Variants in PDXDC1 observed in about 807,000 individuals in gnomAD.
PDXDC1 encodes pyridoxal-dependent decarboxylase domain-containing protein 1.
Under a neutral mutation model 100.1 loss-of-function variants are expected in PDXDC1, and 42 were observed. That is an observed-to-expected ratio of 0.42 (90% CI 0.33 to 0.54). The LOEUF (loss-of-function observed/expected upper bound fraction) is 0.54, where lower values mean the gene tolerates loss of function less well. Among genes scored for constraint, PDXDC1 ranks in the 20% least tolerant of loss-of-function variants. The pLI, the probability that PDXDC1 is intolerant of heterozygous loss-of-function variation, is 0.10. For missense variants in PDXDC1, 636 were observed against 979.2 expected (o/e 0.65, Z 4.68); for synonymous variants, 260 against 371.7 (o/e 0.70, Z 3.46).
At position 15,074,450 on chromosome 16, in the gene PDXDC1, T is replaced by G. The variant is rs1567200493; in HGVS notation, c.1399+44394T>G. Among the ~76,000 whole-genome samples the G allele has an allele frequency of 6.6e-5, 10 of 152,320 alleles. 1 individual carries two copies. The South Asian group carries it at 2.1e-3, about 32-fold the overall frequency. On this transcript the variant is annotated intron_variant, in intron 16 of 16. Transcript: ENST00000535621. ...AGTGCATTCAGCAACTTGAGCGTAA[T>G]TTGATCTAAAACTGGCCAAACTCCA...
downstream of PDXDC1, chr16:15,038,616 A>C: frequency 6.2e-7 from 1 of 1,609,018 alleles, no homozygotes; most frequent in Non-Finnish European, 8.5e-7. Context: ...AGAAATCCAC[A>C]TGTGGAAATG....
chr16:15,109,702 A>G (rs1245035632), intron 16 of PDXDC1, among the ~76,000 whole-genome samples: 1 of 119,526 alleles, frequency 8.4e-6, no homozygotes, highest in African/African-American at 3.0e-5. Context: ...AAAAAAAAAA[A>G]TTGGCCGAAT....
At chr16:15,045,855 CT>C (rs1378380357) in intron 16 of PDXDC1, 2 of 152,242 alleles carry the variant, frequency 1.3e-5, no homozygotes, top group African/African-American at 2.4e-5. Context: ...GACACAAAAT[CT>C]TCCTAAGGGA....
At chr16:15,006,913 GTTTATT>G (rs1432247799) in intron 6 of PDXDC1, among the ~76,000 whole-genome samples, 2 of 152,274 alleles carry the variant, frequency 1.3e-5, no homozygotes, top group Admixed American at 6.5e-5. Flanking sequence ...TCAAAGTATA[GTTTATT>G]TTTAATGTCT....
At chr16:15,065,202 T>G (rs1394205154) in intron 16 of PDXDC1, 2 of 1,571,748 alleles carry the variant, frequency 1.3e-6, no homozygotes, top group Non-Finnish European at 8.6e-7. Context: ...CCAGCGTCAA[T>G]GTTTAAAAGT....
intron 14 of PDXDC1, among the ~76,000 whole-genome samples, chr16:15,027,646 C>T (rs150673926): frequency 6.5e-3 from 987 of 152,074 alleles, no homozygotes; most frequent in African/African-American, 0.023. Context: ...CGGCCCTGGC[C>T]AAACTCCGCC....
At chr16:15,056,939 C>T (rs537264068) in intron 16 of PDXDC1, among the ~76,000 whole-genome samples, 122 of 152,266 alleles carry the variant, frequency 8.0e-4, no homozygotes, top group Non-Finnish European at 1.5e-4. Context: ...TTTGCGGATA[C>T]TGACTGCAGA....
At position 15,031,622 on chromosome 16, in the gene PDXDC1, C is replaced by T. The variant is rs188706173; in HGVS notation, c.1400-113C>T. 2.1e-4 allele frequency: 172 copies of T among 829,818 alleles called. No individual in the cohort carries two copies. In the East Asian group the frequency reaches 4.0e-3, roughly 19 times the overall value. 51.4% of individuals were successfully genotyped at this position (829,818 alleles called of 1,614,324 possible). On this transcript the variant is annotated intron_variant, in intron 16 of 22. Coordinates refer to ENST00000396410, the MANE Select transcript of PDXDC1 (RefSeq NM_015027.4). Reference sequence around the variant, plus strand: ...TTTTTGTTTAAATCTCCATGGCTCCCGGTAACTGGAGTACCTCGAGCTTTT... The same window carrying T: ...TTTTTGTTTAAATCTCCATGGCTCCTGGTAACTGGAGTACCTCGAGCTTTT...
At chr16:15,146,967 C>A in the PDXDC1 span, among the ~76,000 whole-genome samples, 1 of 152,078 alleles carries the variant, frequency 6.6e-6, no homozygotes, top group African/African-American at 2.4e-5. Context: ...GGCGCTGGGA[C>A]GTGAACCCAA....
At chr16:15,133,117 C>T (rs1178273106) in intron 16 of PDXDC1, 34 of 639,280 alleles carry the variant, frequency 5.3e-5, no homozygotes, top group Middle Eastern at 4.2e-4. Context: ...CTGCTGGGAG[C>T]GGAACGTCGG....
chr16:15,135,867 C>T, intron 16 of PDXDC1: 1 of 1,555,472 alleles, frequency 6.4e-7, no homozygotes, highest in South Asian at 1.1e-5. Context: ...AATGACACGA[C>T]AAACACAAAG....
intron 16 of PDXDC1, chr16:15,131,207 G>A (rs753778293): frequency 3.8e-6 from 6 of 1,588,908 alleles, no homozygotes; most frequent in East Asian, 2.2e-5. Context: ...GCAGAGCTGC[G>A]GTGGCCCCGG....
chr16:14,998,090 T>C (rs1972388641), intron 2 of PDXDC1, among the ~76,000 whole-genome samples: 1 of 152,250 alleles, frequency 6.6e-6, no homozygotes, highest in Non-Finnish European at 1.5e-5. Flanking sequence ...TAAATACTTA[T>C]TATATATTCA....
At chr16:15,086,131 G>C in intron 16 of PDXDC1, 2 of 1,602,706 alleles carry the variant, frequency 1.2e-6, no homozygotes, top group Non-Finnish European at 1.7e-6. Context: ...TGACTTACGA[G>C]GCACAAAATG....
the PDXDC1 span, among the ~76,000 whole-genome samples, chr16:15,147,259 C>T: frequency 2.0e-5 from 3 of 152,182 alleles, no homozygotes; most frequent in Admixed American, 6.5e-5. Flanking sequence ...CAGCCCGACT[C>T]GGAAGCGCCA....
intron 16 of PDXDC1, among the ~76,000 whole-genome samples, chr16:15,082,761 T>A (rs976260499): frequency 1.6e-4 from 24 of 152,112 alleles, no homozygotes; most frequent in Non-Finnish European, 3.2e-4. Context: ...TGCTACTAGA[T>A]TCGGTTTTCT....
intron 16 of PDXDC1, among the ~76,000 whole-genome samples, chr16:15,078,952 T>C (rs933314317): frequency 3.3e-5 from 5 of 151,788 alleles, no homozygotes; most frequent in African/African-American, 7.3e-5. Context: ...GCTGGGACTA[T>C]AGGTGCCCAC....
At chr16:15,007,104 T>G (rs1423667281) in intron 6 of PDXDC1, among the ~76,000 whole-genome samples, 1 of 151,040 alleles carries the variant, frequency 6.6e-6, no homozygotes, top group Non-Finnish European at 1.5e-5. Context: ...AGGGTTATGG[T>G]CCTCAGATGG....
In PDXDC1 at chr16:14,975,111, G is replaced by C. The variant is rs1966594896; in HGVS notation, c.-89G>C. On this transcript the variant is annotated 5_prime_UTR_variant, in exon 1 of 23. Transcript: ENST00000396410. ...CCCGCCGGCCGCGGGCGCGGGGGAC[G>C]TCAGCGCTGCCAGCGTGGAAGGAGC... is the stretch of plus-strand genomic sequence containing the variant. The C allele has an allele frequency of 1.4e-6, 2 of 1,470,642 alleles. No homozygotes were observed. Among genetic ancestry groups the C allele is most frequent in the Non-Finnish European group, 1.8e-6 (2 of 1,121,840 alleles). The allele number at this position is 1,470,642 out of a possible 1,614,324, so 91.1% of individuals were successfully genotyped here.
Sources: allele counts gnomAD v4.1 joint callset (sites outside exome capture counted in the v4.1 genomes callset), GRCh38; gene constraint gnomAD v4.1.1; transcripts MANE v1.5; gene names NCBI Gene and HGNC (gene_info 2026-07-23, HGNC 2026-07-21).